Variants in LRRC7 observed in about 807,000 individuals in gnomAD.
The protein encoded by LRRC7 is leucine-rich repeat-containing protein 7.
Under a neutral mutation model 175.7 loss-of-function variants are expected in LRRC7, and 23 were observed. The ratio of observed to expected loss-of-function variants is 0.13; its 90% CI spans 0.09 to 0.19. The LOEUF (loss-of-function observed/expected upper bound fraction) is 0.19, where lower values mean the gene tolerates loss of function less well. Ranked by LOEUF, LRRC7 falls within the 10% of genes least tolerant of loss-of-function variation. The pLI is 1.00. For missense variants in LRRC7, 1,354 were observed against 1,904.7 expected (o/e 0.71, Z 5.38); for synonymous variants, 685 against 680.9 (o/e 1.01, Z -0.09).
intron 1 of LRRC7, among the ~76,000 whole-genome samples, chr1:69,633,037 G>C (rs1652757635): frequency 6.6e-6 from 1 of 151,884 alleles, no homozygotes; most frequent in Non-Finnish European, 1.5e-5. Flanking sequence ...TTGAAAACTT[G>C]TTAAGTCTTT....
chr1:69,601,490 A>G (rs773402166), intron 1 of LRRC7, among the ~76,000 whole-genome samples: 5 of 152,206 alleles, frequency 3.3e-5, no homozygotes, highest in Non-Finnish European at 7.3e-5. Flanking sequence ...AGAACTATTC[A>G]ATCATATTCT....
chr1:70,095,447 G>A (rs1473245649), intron 25 of LRRC7, among the ~76,000 whole-genome samples: 3 of 152,128 alleles, frequency 2.0e-5, no homozygotes, highest in African/African-American at 7.2e-5. Flanking sequence ...TCACCTTTCA[G>A]TTCATTGTCT....
At chr1:70,092,601 A>ACT (rs1349924657) in intron 25 of LRRC7, among the ~76,000 whole-genome samples, 2 of 152,116 alleles carry the variant, frequency 1.3e-5, no homozygotes, top group Non-Finnish European at 2.9e-5. Flanking sequence ...GGGAAATGAC[A>ACT]AGGACCAATG....
chr1:69,718,177 A>AAGAAAGAAAG (rs1366913143), intron 2 of LRRC7, among the ~76,000 whole-genome samples: 7 of 146,852 alleles, frequency 4.8e-5, no homozygotes, highest in Non-Finnish European at 9.1e-5. Context: ...AGAAAGAAGA[A>AAGAAAGAAAG]AAGAAAAGAA....
chr1:69,644,985 A>G (rs2100450896), intron 1 of LRRC7, among the ~76,000 whole-genome samples: 1 of 152,138 alleles, frequency 6.6e-6, no homozygotes, highest in South Asian at 2.1e-4. Context: ...CCATTTAATA[A>G]GAGTACCTAC....
intron 1 of LRRC7, among the ~76,000 whole-genome samples, chr1:69,642,287 A>G (rs35611301): frequency 0.071 from 10,838 of 152,078 alleles, 531 homozygotes; most frequent in Middle Eastern, 0.11. Context: ...ACTCTAACTT[A>G]TTCAAAATAT....
chr1:69,878,321 A>G (rs1276847396), intron 7 of LRRC7, among the ~76,000 whole-genome samples: 4 of 151,892 alleles, frequency 2.6e-5, no homozygotes, highest in African/African-American at 9.7e-5. Flanking sequence ...TGACAGACTG[A>G]CATCTGCATT....
At chr1:69,728,907 AG>A (rs780009564) in intron 2 of LRRC7, among the ~76,000 whole-genome samples, 9 of 152,242 alleles carry the variant, frequency 5.9e-5, no homozygotes, top group Non-Finnish European at 1.2e-4. Context: ...TATAAAGGAA[AG>A]AACTTTAATT....
rs1674523237 is a variant in LRRC7 at position 69,786,981 on chromosome 1, C to T, written c.304-5062C>T. Among the ~76,000 whole-genome samples, 4 of 152,222 alleles carry T rather than the reference C, an allele frequency of 2.6e-5. 1 individual carries two copies. The South Asian group carries it at 8.3e-4, about 32-fold the overall frequency. On this transcript the variant is annotated intron_variant, in intron 3 of 26. Transcript: ENST00000651989. ...TCTGAGACAAGACAAGTCCCTTCCA[C>T]CTATGAGCCTGTAAAATCAAAAGCA...
Position 70,133,046 on chromosome 1 carries a change from A to G in LRRC7, c.*11159A>G, listed in dbSNP as rs1666737109. On this transcript the variant is annotated 3_prime_UTR_variant, in exon 27 of 27. Coordinates refer to ENST00000651989, the MANE Select transcript of LRRC7 (RefSeq NM_001370785.2). ...TTAAATTACTGCGTTCAACTCTGAC[A>G]AATACTATCCTCATATTTAGTTGTA... 6.6e-6 allele frequency among the ~76,000 whole-genome samples: 1 copy of G among 152,190 alleles called. No individual in the cohort carries two copies. Among genetic ancestry groups the G allele is most frequent in the Non-Finnish European group, 1.5e-5 (1 of 68,020 alleles).
chr1:70,009,829 C>A (rs1656338181), intron 11 of LRRC7, among the ~76,000 whole-genome samples: 1 of 152,192 alleles, frequency 6.6e-6, no homozygotes, highest in Admixed American at 6.5e-5. Context: ...GTTTGAATGA[C>A]CTTGGTCAGA....
At chr1:69,998,886 T>G (rs981826843) in intron 11 of LRRC7, among the ~76,000 whole-genome samples, 1 of 152,200 alleles carries the variant, frequency 6.6e-6, no homozygotes, top group Admixed American at 6.5e-5. Flanking sequence ...GAGTCTGGTA[T>G]CAGCCCATGA....
chr1:69,901,648 A>C lies in LRRC7; in HGVS notation c.648-29859A>C, dbSNP rs763072185. Among the ~76,000 whole-genome samples the C allele has an allele frequency of 3.5e-4, 54 of 152,300 alleles. 1 individual carries two copies. The highest frequency in any genetic ancestry group is 5.6e-4 in the Non-Finnish European group (38 of 68,028). ...AGCAAATTGCTCTTGAGAAATAACT[A>C]TCTCTTCCTTGGCCATTAATGTTAA... On this transcript the variant is annotated intron_variant, in intron 7 of 26. Transcript: ENST00000651989.
chr1:69,766,177 C>T (rs1319128718), intron 3 of LRRC7, among the ~76,000 whole-genome samples: 1 of 152,068 alleles, frequency 6.6e-6, no homozygotes, highest in Admixed American at 6.6e-5. Flanking sequence ...GTCATGACAA[C>T]TTCGCATACA....
At chr1:69,637,079 T>TC (rs371248387) in intron 1 of LRRC7, among the ~76,000 whole-genome samples, 30,009 of 150,586 alleles carry the variant, frequency 0.2, 3,706 homozygotes, top group South Asian at 0.28. Context: ...CCCTTCTCTC[T>TC]TTCTCTCTCT....
intron 25 of LRRC7, among the ~76,000 whole-genome samples, chr1:70,095,050 C>T (rs968118045): frequency 1.1e-4 from 16 of 152,170 alleles, no homozygotes; most frequent in African/African-American, 3.9e-4. Flanking sequence ...TAGACAAATA[C>T]AATTTATTGT....
chr1:69,879,278 C>T (rs948441246), intron 7 of LRRC7, among the ~76,000 whole-genome samples: 1 of 142,160 alleles, frequency 7.0e-6, no homozygotes, highest in Non-Finnish European at 1.5e-5. Context: ...TTAGTTGTTA[C>T]GAGGAAGGGA....
At chr1:69,872,073 T>C (rs188405926) in intron 7 of LRRC7, among the ~76,000 whole-genome samples, 2 of 152,142 alleles carry the variant, frequency 1.3e-5, no homozygotes, top group East Asian at 3.9e-4. Context: ...TACAAGTCTC[T>C]TTAGATGGAT....
intron 1 of LRRC7, among the ~76,000 whole-genome samples, chr1:69,627,807 A>G (rs1283024436): frequency 6.6e-6 from 1 of 151,000 alleles, no homozygotes; most frequent in East Asian, 1.9e-4. Context: ...TTTGGTTTCA[A>G]TTTGTTTTTT....
Sources: gnomAD v4.1 joint callset for allele counts (sites outside exome capture counted in the v4.1 genomes callset) on GRCh38, gnomAD v4.1.1 for gene constraint, MANE v1.5 for transcripts, NCBI Gene and HGNC (gene_info 2026-07-23, HGNC 2026-07-21) for gene names.